CELF2: variants seen among roughly 807,000 people sequenced by gnomAD.
CELF2 encodes CUGBP Elav-like family member 2, also known as CUG triplet repeat RNA-binding protein 2.
A neutral mutation model predicts 62.6 loss-of-function variants in CELF2; 8 were observed. That is an observed-to-expected ratio of 0.13 (90% CI 0.07 to 0.23). The LOEUF (loss-of-function observed/expected upper bound fraction) is 0.23, where lower values mean the gene tolerates loss of function less well. CELF2 is among the 10% of genes least tolerant of loss of function. The pLI, the probability that CELF2 is intolerant of heterozygous loss-of-function variation, is 1.00. For missense variants in CELF2, 333 were observed against 671.0 expected (o/e 0.50, Z 5.56); for synonymous variants, 258 against 250.0 (o/e 1.03, Z -0.30).
intron 1 of CELF2, among the ~76,000 whole-genome samples, chr10:11,161,038 A>G (rs1444729980): frequency 2.6e-5 from 4 of 152,234 alleles, no homozygotes; most frequent in African/African-American, 9.6e-5. Flanking sequence ...TGAATCAATT[A>G]TTATAATAGT....
chr10:11,289,414 C>T (rs1381932318), intron 9 of CELF2, among the ~76,000 whole-genome samples: 2 of 152,136 alleles, frequency 1.3e-5, no homozygotes, highest in African/African-American at 2.4e-5. Flanking sequence ...AAACACACAT[C>T]GAAAACTACA....
chr10:10,778,523 A>G, the CELF2 span, among the ~76,000 whole-genome samples: 8 of 152,202 alleles, frequency 5.3e-5, no homozygotes, highest in African/African-American at 1.9e-4. Context: ...TTATAGACAA[A>G]TAGAACACAT....
At chr10:10,785,968 T>C in the CELF2 span, among the ~76,000 whole-genome samples, 1 of 152,182 alleles carries the variant, frequency 6.6e-6, no homozygotes, top group Non-Finnish European at 1.5e-5. Flanking sequence ...TGCATACATA[T>C]ATCAAAATGT....
At chr10:10,523,273 A>G in the CELF2 span, among the ~76,000 whole-genome samples, 2 of 152,228 alleles carry the variant, frequency 1.3e-5, no homozygotes, top group African/African-American at 4.8e-5. Context: ...GAGTTTCTTT[A>G]GCAACACTCT....
chr10:10,465,529 G>C, the CELF2 span, among the ~76,000 whole-genome samples: 1 of 152,016 alleles, frequency 6.6e-6, no homozygotes. Flanking sequence ...AATTCTTATG[G>C]ATGTAAGTAG....
intron 2 of CELF2, among the ~76,000 whole-genome samples, chr10:10,981,179 G>A (rs78424110): frequency 0.054 from 8,166 of 152,212 alleles, 295 homozygotes; most frequent in African/African-American, 0.1. Context: ...TCATTTCTTC[G>A]CACTTGGATT....
intron 2 of CELF2, among the ~76,000 whole-genome samples, chr10:11,187,582 C>A (rs1019404495): frequency 2.7e-5 from 4 of 149,640 alleles, no homozygotes; most frequent in East Asian, 2.0e-4. Context: ...CGCCCCCCCC[C>A]CAACCTGTTC....
chr10:11,080,905 G>A (rs1466066235), intron 1 of CELF2, among the ~76,000 whole-genome samples: 1 of 152,200 alleles, frequency 6.6e-6, no homozygotes, highest in Non-Finnish European at 1.5e-5. Flanking sequence ...AGTTTCTAGA[G>A]GCAGGCTAGG....
At chr10:11,271,537 A>C (rs1244192097) in intron 7 of CELF2, among the ~76,000 whole-genome samples, 1 of 152,242 alleles carries the variant, frequency 6.6e-6, no homozygotes, top group African/African-American at 2.4e-5. Context: ...TAACCATGGC[A>C]GATGCGGGCT....
At chr10:10,473,490 A>C in the CELF2 span, among the ~76,000 whole-genome samples, 1 of 152,180 alleles carries the variant, frequency 6.6e-6, no homozygotes, top group East Asian at 1.9e-4. Context: ...GGAAACTAAT[A>C]CAAGTACTAT....
the CELF2 span, among the ~76,000 whole-genome samples, chr10:10,478,498 G>GA: frequency 0.59 from 89,844 of 151,692 alleles, 26,721 homozygotes; most frequent in Admixed American, 0.66. Flanking sequence ...TTGTTTTGGA[G>GA]AAAAAAAATC....
chr10:10,615,792 G>A, the CELF2 span, among the ~76,000 whole-genome samples: 11 of 152,092 alleles, frequency 7.2e-5, no homozygotes, highest in African/African-American at 9.7e-5. Context: ...CTCCCCAGAA[G>A]CCTGTACAGC....
chr10:10,882,620 C>A (rs756105904), intron 1 of CELF2, among the ~76,000 whole-genome samples: 1 of 152,122 alleles, frequency 6.6e-6, no homozygotes, highest in Non-Finnish European at 1.5e-5. Context: ...AAAGCAATTC[C>A]TTCATTGATG....
At chr10:11,052,824 T>G (rs902423575) in intron 1 of CELF2, among the ~76,000 whole-genome samples, 7 of 152,198 alleles carry the variant, frequency 4.6e-5, no homozygotes, top group African/African-American at 1.7e-4. Flanking sequence ...AGGAAGGAAG[T>G]GGATTCAGGC....
At chr10:11,160,206 G>C (rs2133117011) in intron 1 of CELF2, among the ~76,000 whole-genome samples, 1 of 152,332 alleles carries the variant, frequency 6.6e-6, no homozygotes, top group Middle Eastern at 3.4e-3. Flanking sequence ...AGCCAGATGG[G>C]AACTATCCTC....
At chr10:10,501,535 T>G in the CELF2 span, among the ~76,000 whole-genome samples, 1 of 152,186 alleles carries the variant, frequency 6.6e-6, no homozygotes, top group African/African-American at 2.4e-5. Flanking sequence ...TTGAGTAGTA[T>G]TTAAAGAGCT....
intron 3 of CELF2, among the ~76,000 whole-genome samples, chr10:11,221,520 G>A (rs1044152548): frequency 2.0e-5 from 3 of 152,310 alleles, no homozygotes; most frequent in African/African-American, 7.2e-5. Flanking sequence ...CGTGCTGGGT[G>A]TCATTCTCTT....
intron 1 of CELF2, among the ~76,000 whole-genome samples, chr10:11,127,396 T>A (rs2058888308): frequency 6.6e-6 from 1 of 152,248 alleles, no homozygotes; most frequent in Admixed American, 6.5e-5. Flanking sequence ...TATAATCCTT[T>A]GGGTTTATAC....
intron 8 of CELF2, among the ~76,000 whole-genome samples, chr10:11,279,578 C>T (rs1472402323): frequency 6.6e-6 from 1 of 152,138 alleles, no homozygotes; most frequent in African/African-American, 2.4e-5. Context: ...TATAACCACC[C>T]ATCTGTCACT....
Sources: allele counts gnomAD v4.1 joint callset (sites outside exome capture counted in the v4.1 genomes callset), GRCh38; gene constraint gnomAD v4.1.1; transcripts MANE v1.5; gene names NCBI Gene and HGNC (gene_info 2026-07-23, HGNC 2026-07-21).